Variants in MTA3 observed in about 807,000 individuals in gnomAD.
The protein encoded by MTA3 is metastasis associated 1 family member 3, also known as metastasis-associated protein MTA3.
Under a neutral mutation model 83.5 loss-of-function variants are expected in MTA3, and 34 were observed. That is an observed-to-expected ratio of 0.41 (90% CI 0.31 to 0.54). MTA3 has a LOEUF of 0.54. Ranked by LOEUF, MTA3 falls within the 20% of genes least tolerant of loss-of-function variation. The probability of loss-of-function intolerance (pLI) is 0.33; values close to 1 mark genes in which losing one functional copy is unlikely to be tolerated. For synonymous variants in MTA3, 303 were observed against 252.7 expected (o/e 1.20, Z -1.89); for missense variants, 761 against 726.4 (o/e 1.05, Z -0.55).
intron 2 of MTA3, among the ~76,000 whole-genome samples, chr2:42,502,537 G>A (rs1674442331): frequency 6.6e-6 from 1 of 152,008 alleles, no homozygotes; most frequent in Admixed American, 6.6e-5. Context: ...GGCGGCTCAT[G>A]CCTGTACTCC....
intron 3 of MTA3, among the ~76,000 whole-genome samples, chr2:42,604,335 G>A (rs901719284): frequency 1.9e-4 from 29 of 152,196 alleles, no homozygotes; most frequent in African/African-American, 6.5e-4. Flanking sequence ...GAGCCACTGC[G>A]CCCGGCGTCC....
At chr2:42,568,492 C>G (rs1433727001), upstream of MTA3, 1 of 232,212 alleles carries the variant, frequency 4.3e-6, no homozygotes, top group African/African-American at 2.3e-5. Flanking sequence ...AGCGCTCCAG[C>G]CTCCCCGGGC....
intron 2 of MTA3, among the ~76,000 whole-genome samples, chr2:42,498,566 T>C (rs1258169449): frequency 6.6e-6 from 1 of 152,148 alleles, no homozygotes; most frequent in East Asian, 1.9e-4. Context: ...ACATGCATAA[T>C]TGGTACACAT....
chr2:42,527,429 G>T (rs751174774), intron 2 of MTA3, among the ~76,000 whole-genome samples: 4 of 152,134 alleles, frequency 2.6e-5, no homozygotes, highest in Non-Finnish European at 4.4e-5. Context: ...TCTGAGGTTT[G>T]CAAACTGTCC....
chr2:42,559,827 G>A (rs1157631737), intron 2 of MTA3, among the ~76,000 whole-genome samples: 9 of 151,328 alleles, frequency 5.9e-5, no homozygotes, highest in East Asian at 1.9e-4. Flanking sequence ...AGGGGGGTGC[G>A]GTGGAGGTTG....
At chr2:42,520,775 G>A (rs111428559) in intron 2 of MTA3, among the ~76,000 whole-genome samples, 18 of 151,802 alleles carry the variant, frequency 1.2e-4, no homozygotes, top group African/African-American at 3.4e-4. Flanking sequence ...TATGTTGCCC[G>A]GGCTGGTCTC....
intron 8 of MTA3, among the ~76,000 whole-genome samples, chr2:42,675,981 G>A (rs1691318434): frequency 6.6e-6 from 1 of 152,218 alleles, no homozygotes; most frequent in African/African-American, 2.4e-5. Flanking sequence ...TTATTTCCTA[G>A]TAACTCCACA....
At chr2:42,700,123 A>G (rs750871756) in intron 11 of MTA3, among the ~76,000 whole-genome samples, 10 of 152,052 alleles carry the variant, frequency 6.6e-5, no homozygotes, top group Non-Finnish European at 1.2e-4. Context: ...TCTTATTGGC[A>G]TGGTGAGCAC....
intron 9 of MTA3, among the ~76,000 whole-genome samples, chr2:42,688,614 GT>G (rs3040121): frequency 0.58 from 70,424 of 121,190 alleles, 19,180 homozygotes; most frequent in African/African-American, 0.74. Flanking sequence ...GCATTCAAGT[GT>G]TTTTTTTTTT....
At chr2:42,686,856 C>T (rs1468102124) in intron 9 of MTA3, among the ~76,000 whole-genome samples, 1 of 150,088 alleles carries the variant, frequency 6.7e-6, no homozygotes, top group Non-Finnish European at 1.5e-5. Flanking sequence ...TTGTGGCTCA[C>T]ACTTGTAATC....
At chr2:42,496,258 T>G (rs1674126526) in intron 2 of MTA3, among the ~76,000 whole-genome samples, 2 of 152,232 alleles carry the variant, frequency 1.3e-5, no homozygotes, top group African/African-American at 4.8e-5. Flanking sequence ...CTTAGAGAGA[T>G]AGGCTTAAAT....
intron 16 of MTA3, among the ~76,000 whole-genome samples, chr2:42,747,151 C>T (rs1180532807): frequency 6.6e-6 from 1 of 152,082 alleles, no homozygotes; most frequent in Non-Finnish European, 1.5e-5. Flanking sequence ...AGTCACATGC[C>T]ACCATTCCCA....
At chr2:42,664,442 C>T (rs928523223) in intron 8 of MTA3, among the ~76,000 whole-genome samples, 1 of 144,060 alleles carries the variant, frequency 6.9e-6, no homozygotes, top group South Asian at 2.2e-4. Context: ...ATTTATGGTC[C>T]TACTACCCCC....
Position 42,756,522 on chromosome 2 carries a change from A to T in MTA3, c.*3123A>T. On this transcript the variant is annotated 3_prime_UTR_variant, in exon 17 of 17. Coordinates refer to ENST00000405094, the MANE Select transcript of MTA3 (RefSeq NM_001330442.2). ...GGTGTCATGTCTGAGCCTGGTGTTT[A>T]TGCCCCACTGCTGTCCTAAGTCCCT... is the stretch of plus-strand genomic sequence containing the variant. 9 of 985,718 alleles carry T rather than the reference A, an allele frequency of 9.1e-6. No homozygotes were observed. The highest frequency in any genetic ancestry group is 1.1e-5 in the Non-Finnish European group (9 of 830,184). 61.1% of individuals were successfully genotyped at this position (985,718 alleles called of 1,614,324 possible).
At position 42,587,276 on chromosome 2, in the gene MTA3, C is replaced by T. The variant is rs975649726; in HGVS notation, c.190+8076C>T. Among the ~76,000 whole-genome samples, 5 of 152,128 alleles carry T rather than the reference C, an allele frequency of 3.3e-5. No homozygotes were observed. The South Asian group carries it at 1.0e-3, about 32-fold the overall frequency. On this transcript the variant is annotated intron_variant, in intron 3 of 16. Transcript: ENST00000405094. ...GCAGTAAGCCATGATTGCGCCACTGCACTCCAGCCCGTGTGACAGAACAAG... is the reference window on the plus strand; with the variant it reads ...GCAGTAAGCCATGATTGCGCCACTGTACTCCAGCCCGTGTGACAGAACAAG...
At chr2:42,726,889 G>A (rs768370669) in intron 16 of MTA3, among the ~76,000 whole-genome samples, 2 of 152,144 alleles carry the variant, frequency 1.3e-5, no homozygotes, top group Non-Finnish European at 2.9e-5. Flanking sequence ...AACTCCAAAG[G>A]TGAAGATGAA....
At chr2:42,590,005 T>C (rs1246771608) in intron 3 of MTA3, among the ~76,000 whole-genome samples, 1 of 152,194 alleles carries the variant, frequency 6.6e-6, no homozygotes, top group Non-Finnish European at 1.5e-5. Flanking sequence ...GAGAGATCAG[T>C]CTGATGCCTT....
chr2:42,548,866 ATATATATATAAT>A lies in MTA3; in HGVS notation c.-140-21570_-140-21559del, dbSNP rs1676922921. 5.4e-4 allele frequency among the ~76,000 whole-genome samples: 9 copies of A among 16,712 alleles called. 2 individuals carry two copies. The highest frequency in any genetic ancestry group is 1.6e-3 in the African/African-American group (4 of 2,442). The allele number at this position is 16,712 out of a possible 152,430, so 11.0% of individuals were successfully genotyped here. A position where few individuals can be genotyped will look rare whatever the true frequency, so the allele number is the denominator to read the frequency against. Reference sequence around the variant, plus strand: ...TATATAATATATATATATAATATATATATATATATAATATATATATATATATCAGCGGGCACG... The same window carrying A: ...TATATAATATATATATATAATATATAATATATATATATATCAGCGGGCACG... On this transcript the variant is annotated intron_variant, in intron 2 of 17. Transcript: ENST00000405592.
At chr2:42,636,997 C>T (rs1032763796) in intron 4 of MTA3, among the ~76,000 whole-genome samples, 4 of 152,120 alleles carry the variant, frequency 2.6e-5, no homozygotes, top group East Asian at 1.9e-4. Context: ...CACATTTTTA[C>T]GTTTTTCAGT....
Sources: allele counts gnomAD v4.1 joint callset (sites outside exome capture counted in the v4.1 genomes callset), GRCh38; gene constraint gnomAD v4.1.1; transcripts MANE v1.5; gene names NCBI Gene and HGNC (gene_info 2026-07-23, HGNC 2026-07-21).